Variants in SH2D4B observed in about 807,000 individuals in gnomAD.
The protein encoded by SH2D4B is SH2 domain containing 4B.
SH2D4B carries 45 observed loss-of-function variants against 61.5 expected under a neutral mutation model. The observed-to-expected ratio is 0.73, with a 90% confidence interval of 0.58 to 0.94. SH2D4B has a LOEUF of 0.94. SH2D4B is among the 40% of genes least tolerant of loss of function. The probability of loss-of-function intolerance (pLI) is 0.00; values close to 1 mark genes in which losing one functional copy is unlikely to be tolerated. For missense variants in SH2D4B, 572 were observed against 574.2 expected (o/e 1.00, Z 0.04); for synonymous variants, 224 against 220.4 (o/e 1.02, Z -0.14).
intron 1 of SH2D4B, among the ~76,000 whole-genome samples, chr10:80,560,372 ATT>A (rs1046386490): frequency 6.9e-6 from 1 of 144,494 alleles, no homozygotes; most frequent in Non-Finnish European, 1.5e-5. Context: ...ATATTCTTAG[ATT>A]TTTTTTTTTT....
chr10:80,572,992 T>G (rs1165416178), intron 3 of SH2D4B, among the ~76,000 whole-genome samples: 3 of 36,440 alleles, frequency 8.2e-5, no homozygotes, highest in African/African-American at 2.0e-4. Context: ...ATATATTTTT[T>G]TTTTTTTTTT....
chr10:80,638,983 G>A (rs1840240498), intron 7 of SH2D4B, among the ~76,000 whole-genome samples: 1 of 152,156 alleles, frequency 6.6e-6, no homozygotes, highest in African/African-American at 2.4e-5. Context: ...CTGGTACGTT[G>A]TGTCTTTGTT....
intron 6 of SH2D4B, among the ~76,000 whole-genome samples, chr10:80,619,663 T>C (rs554154468): frequency 3.1e-4 from 48 of 152,386 alleles, no homozygotes; most frequent in African/African-American, 1.1e-3. Context: ...CTCCTGGGAT[T>C]GTTTCACTTA....
intron 3 of SH2D4B, among the ~76,000 whole-genome samples, chr10:80,584,687 T>G (rs1842222612): frequency 6.6e-6 from 1 of 152,220 alleles, no homozygotes; most frequent in Non-Finnish European, 1.5e-5. Flanking sequence ...AGCACCCTAT[T>G]TGGCTTTGCA....
chr10:80,555,733 A>T (rs1188227266), intron 1 of SH2D4B, among the ~76,000 whole-genome samples: 1 of 152,234 alleles, frequency 6.6e-6, no homozygotes, highest in Non-Finnish European at 1.5e-5. Flanking sequence ...AAAGTCCTGC[A>T]TCTGAGGAAG....
At chr10:80,599,765 C>T (rs1022869258) in intron 4 of SH2D4B, among the ~76,000 whole-genome samples, 1 of 152,162 alleles carries the variant, frequency 6.6e-6, no homozygotes, top group African/African-American at 2.4e-5. Flanking sequence ...CAAACCCATT[C>T]TTCCACCAAG....
intron 6 of SH2D4B, among the ~76,000 whole-genome samples, chr10:80,633,968 C>T (rs1332432301): frequency 6.6e-6 from 1 of 152,238 alleles, no homozygotes; most frequent in African/African-American, 2.4e-5. Flanking sequence ...ATAATCACAG[C>T]TCACTACTAA....
At chr10:80,556,066 T>G (rs1036380137) in intron 1 of SH2D4B, among the ~76,000 whole-genome samples, 2 of 152,148 alleles carry the variant, frequency 1.3e-5, no homozygotes, top group Non-Finnish European at 1.5e-5. Context: ...TATATATACA[T>G]ATATGACCTT....
chr10:80,605,045 G>A (rs903074669), intron 5 of SH2D4B, among the ~76,000 whole-genome samples: 5 of 152,090 alleles, frequency 3.3e-5, no homozygotes, highest in African/African-American at 1.2e-4. Flanking sequence ...TGCCCACCTC[G>A]GCCTCCCAAA....
At chr10:80,642,798 C>T (rs1200223300) in intron 7 of SH2D4B, among the ~76,000 whole-genome samples, 9 of 152,160 alleles carry the variant, frequency 5.9e-5, no homozygotes, top group African/African-American at 1.9e-4. Flanking sequence ...ACTGGAATTG[C>T]TGGAGAGAAG....
At chr10:80,625,330 G>A (rs1205478451) in intron 6 of SH2D4B, among the ~76,000 whole-genome samples, 1 of 152,136 alleles carries the variant, frequency 6.6e-6, no homozygotes, top group Non-Finnish European at 1.5e-5. Context: ...TGGGGGATTG[G>A]TTCCAGGAAC....
At chr10:80,624,910 A>G (rs1842754322) in intron 6 of SH2D4B, among the ~76,000 whole-genome samples, 1 of 152,228 alleles carries the variant, frequency 6.6e-6, no homozygotes, top group African/African-American at 2.4e-5. Flanking sequence ...CCATATATGT[A>G]TATACATATG....
At chr10:80,611,050 C>T (rs1564783497) in intron 6 of SH2D4B, among the ~76,000 whole-genome samples, 1 of 151,904 alleles carries the variant, frequency 6.6e-6, no homozygotes, top group Non-Finnish European at 1.5e-5. Context: ...TGGCAGGCCC[C>T]TGTCATCCCA....
chr10:80,632,096 T>C (rs1156452030), intron 6 of SH2D4B, among the ~76,000 whole-genome samples: 1 of 151,964 alleles, frequency 6.6e-6, no homozygotes, highest in Non-Finnish European at 1.5e-5. Context: ...CCAAGTTATT[T>C]TTAATTTTTT....
chr10:80,538,282 C>T lies in SH2D4B; in HGVS notation c.-50C>T. On this transcript the variant is annotated 5_prime_UTR_variant, in exon 1 of 8. Coordinates refer to ENST00000646907, the MANE Select transcript of SH2D4B (RefSeq NM_001388272.1). This position sits in a 1 kb window ranked among gnomAD's most constrained non-coding sequence, Gnocchi z 4.8. ...AGCCCCTCGGGCGTTCTGCCTGGCC[C>T]TGCTTCCCCTGCTGGCTGCCCTTCT... The T allele has an allele frequency of 7.8e-7, 1 of 1,287,406 alleles. No individual in the cohort carries two copies. The highest frequency in any genetic ancestry group is 9.9e-7 in the Non-Finnish European group (1 of 1,008,390). The allele number at this position is 1,287,406 out of a possible 1,614,324, so 79.7% of individuals were successfully genotyped here.
chr10:80,547,197 A>G (rs1387023224), intron 1 of SH2D4B, among the ~76,000 whole-genome samples: 3 of 152,200 alleles, frequency 2.0e-5, no homozygotes. Flanking sequence ...TGATTTGTCC[A>G]ATCAAGCAGC....
At chr10:80,540,801 A>G (rs996784300) in intron 1 of SH2D4B, 2 of 1,546,716 alleles carry the variant, frequency 1.3e-6, no homozygotes, top group African/African-American at 2.7e-5. Flanking sequence ...CTCGAGTGCC[A>G]AGGGTGAGGC....
intron 1 of SH2D4B, among the ~76,000 whole-genome samples, chr10:80,552,889 T>C (rs998320648): frequency 6.8e-5 from 10 of 146,956 alleles, no homozygotes; most frequent in African/African-American, 1.0e-4. Flanking sequence ...CTCTCTTTCT[T>C]TCTCTCTCTC....
intron 3 of SH2D4B, among the ~76,000 whole-genome samples, 193 bp downstream of exon 3, chr10:80,571,771 T>C (rs1398269452): frequency 2.0e-5 from 3 of 150,716 alleles, no homozygotes; most frequent in African/African-American, 4.9e-5. Flanking sequence ...GTTTCTTTTT[T>C]TTTTCTTTTT....
Sources: allele counts gnomAD v4.1 joint callset (sites outside exome capture counted in the v4.1 genomes callset), GRCh38; gene constraint gnomAD v4.1.1; non-coding constraint Gnocchi (gnomAD v3.1); transcripts MANE v1.5; gene names NCBI Gene and HGNC (gene_info 2026-07-23, HGNC 2026-07-21).